SLC39A11: variants seen among roughly 807,000 people sequenced by gnomAD.
The protein encoded by SLC39A11 is zinc transporter ZIP11.
Under a neutral mutation model 36.1 loss-of-function variants are expected in SLC39A11, and 33 were observed. The ratio of observed to expected loss-of-function variants is 0.91; its 90% CI spans 0.69 to 1.22. The LOEUF is 1.22. Ranked by LOEUF, SLC39A11 falls within the 50% of genes most tolerant of loss-of-function variation. The pLI, the probability that SLC39A11 is intolerant of heterozygous loss-of-function variation, is 0.00. For synonymous variants in SLC39A11, 166 were observed against 170.3 expected, an observed-to-expected ratio of 0.97 and a Z score of 0.20; for missense variants, 432 against 430.3, an observed-to-expected ratio of 1.00 and a Z score of -0.03.
At chr17:73,037,818 G>C (rs1049466932) in intron 3 of SLC39A11, among the ~76,000 whole-genome samples, 1 of 152,256 alleles carries the variant, frequency 6.6e-6, no homozygotes, top group Non-Finnish European at 1.5e-5. Context: ...AAGCCAGGGG[G>C]AAGGTTTGGG....
chr17:72,852,724 A>G (rs896110896), intron 5 of SLC39A11, among the ~76,000 whole-genome samples: 11 of 152,182 alleles, frequency 7.2e-5, no homozygotes, highest in African/African-American at 1.9e-4. Context: ...ATACATTTTG[A>G]GTAGACAATA....
chr17:72,754,270 C>T (rs532981888), intron 6 of SLC39A11, among the ~76,000 whole-genome samples: 6 of 152,044 alleles, frequency 3.9e-5, no homozygotes, highest in Admixed American at 3.9e-4. Flanking sequence ...ATACGAATGA[C>T]ACAATGGACT....
At chr17:73,045,944 A>G (rs146995178) in intron 3 of SLC39A11, among the ~76,000 whole-genome samples, 2 of 152,318 alleles carry the variant, frequency 1.3e-5, no homozygotes, top group Non-Finnish European at 2.9e-5. Flanking sequence ...GTTGATGGGC[A>G]TCGCACCAGC....
chr17:73,065,967 TG>T (rs201925940), intron 3 of SLC39A11, among the ~76,000 whole-genome samples: 2,081 of 152,156 alleles, frequency 0.014, 22 homozygotes, highest in Non-Finnish European at 0.023. Flanking sequence ...ATGGCCACAA[TG>T]AAGGCACCTG....
At chr17:72,771,187 C>T (rs780789875) in intron 6 of SLC39A11, among the ~76,000 whole-genome samples, 6 of 151,808 alleles carry the variant, frequency 4.0e-5, no homozygotes, top group Non-Finnish European at 8.8e-5. Flanking sequence ...GAGCTCAAGA[C>T]CAGCCTGGGC....
chr17:72,698,043 A>C (rs2072398999), intron 7 of SLC39A11, among the ~76,000 whole-genome samples: 1 of 152,216 alleles, frequency 6.6e-6, no homozygotes, highest in Admixed American at 6.5e-5. Flanking sequence ...CCATCTGCAA[A>C]GACTAAACGC....
chr17:72,922,861 G>A (rs932610135), intron 5 of SLC39A11, among the ~76,000 whole-genome samples: 6 of 150,316 alleles, frequency 4.0e-5, no homozygotes, highest in East Asian at 4.0e-4. Flanking sequence ...CCCGCTACTC[G>A]GGAGGCTGAG....
chr17:72,776,223 C>T (rs1443618810), intron 6 of SLC39A11, among the ~76,000 whole-genome samples: 1 of 152,216 alleles, frequency 6.6e-6, no homozygotes, highest in Non-Finnish European at 1.5e-5. Context: ...CAGGTCGTTG[C>T]CTCCATTCTT....
chr17:72,959,093 T>C (rs187449431), intron 4 of SLC39A11, among the ~76,000 whole-genome samples: 181 of 151,822 alleles, frequency 1.2e-3, no homozygotes, highest in African/African-American at 4.1e-3. Flanking sequence ...ACAACTACTA[T>C]GGAAAATAGT....
intron 4 of SLC39A11, among the ~76,000 whole-genome samples, chr17:73,027,169 T>C (rs2058585440): frequency 6.6e-6 from 1 of 152,184 alleles, no homozygotes. Context: ...CACATACTGC[T>C]ATACCTTAAC....
chr17:72,752,654 A>T (rs962441544), intron 6 of SLC39A11, among the ~76,000 whole-genome samples: 3 of 151,960 alleles, frequency 2.0e-5, no homozygotes, highest in Non-Finnish European at 4.4e-5. Flanking sequence ...TGGCCTCCCA[A>T]AGTGCTGGGA....
chr17:72,711,149 C>A (rs989242017), intron 7 of SLC39A11, among the ~76,000 whole-genome samples: 1 of 152,214 alleles, frequency 6.6e-6, no homozygotes, highest in Non-Finnish European at 1.5e-5. Flanking sequence ...AGGACTCAGC[C>A]TGGTTGCCTA....
At chr17:72,697,119 G>C (rs763972497) in intron 7 of SLC39A11, among the ~76,000 whole-genome samples, 5 of 151,978 alleles carry the variant, frequency 3.3e-5, no homozygotes, top group Non-Finnish European at 7.4e-5. Flanking sequence ...GATCTCACTC[G>C]TCCCCCAGGC....
chr17:72,662,388 A>C (rs987875545), intron 7 of SLC39A11, among the ~76,000 whole-genome samples: 4 of 150,950 alleles, frequency 2.6e-5, no homozygotes, highest in African/African-American at 9.7e-5. Context: ...AAAAGAAAGA[A>C]AAGGAAAGAA....
chr17:72,985,389 T>A (rs975547284), intron 4 of SLC39A11, among the ~76,000 whole-genome samples: 1 of 150,620 alleles, frequency 6.6e-6, no homozygotes, highest in African/African-American at 2.4e-5. Flanking sequence ...AAACCTTCTT[T>A]ATTTGCATGG....
At chr17:72,813,370 T>C (rs1258824706) in intron 6 of SLC39A11, among the ~76,000 whole-genome samples, 1 of 152,196 alleles carries the variant, frequency 6.6e-6, no homozygotes, top group Non-Finnish European at 1.5e-5. Context: ...TTTTGTCTAA[T>C]TAAGACACCC....
chr17:72,856,451 G>T (rs1409283493), intron 5 of SLC39A11, among the ~76,000 whole-genome samples: 1 of 152,124 alleles, frequency 6.6e-6, no homozygotes, highest in Non-Finnish European at 1.5e-5. Context: ...GATCCGCTTA[G>T]GTTTGTCAAT....
At chr17:73,064,044 C>T (rs1475824510) in intron 3 of SLC39A11, among the ~76,000 whole-genome samples, 4 of 151,760 alleles carry the variant, frequency 2.6e-5, no homozygotes, top group Admixed American at 6.6e-5. Flanking sequence ...AGAAGACCAG[C>T]GCCTCAGAAA....
chr17:72,972,107 C>G (rs2087500647), intron 4 of SLC39A11, among the ~76,000 whole-genome samples: 1 of 152,210 alleles, frequency 6.6e-6, no homozygotes, highest in South Asian at 2.1e-4. Context: ...AAAACGGTCT[C>G]AACGTTGCTG....
Sources: allele counts gnomAD v4.1 joint callset (sites outside exome capture counted in the v4.1 genomes callset), GRCh38; gene constraint gnomAD v4.1.1; transcripts MANE v1.5; gene names NCBI Gene and HGNC (gene_info 2026-07-23, HGNC 2026-07-21).